The following PTPRT variants were observed in gnomAD, a reference collection of about 807,000 sequenced individuals.
PTPRT encodes the protein protein tyrosine phosphatase receptor type T, also known as receptor-type tyrosine-protein phosphatase T.
A neutral mutation model predicts 176.8 loss-of-function variants in PTPRT; 56 were observed. The observed-to-expected ratio is 0.32, with a 90% CI of 0.26 to 0.40. The LOEUF (loss-of-function observed/expected upper bound fraction) is 0.40, where lower values mean the gene tolerates loss of function less well. PTPRT is among the 10% of genes least tolerant of loss of function. PTPRT has a pLI of 1.00. For missense variants in PTPRT, 1,540 were observed against 1,908.2 expected, an observed-to-expected ratio of 0.81 and a Z score of 3.60; for synonymous variants, 783 against 739.0, an observed-to-expected ratio of 1.06 and a Z score of -0.96.
chr20:42,678,258 A>C (rs1054794064), intron 6 of PTPRT, 99 bp from the exon 7 acceptor site: 6 of 1,190,748 alleles, frequency 5.0e-6, no homozygotes, highest in Non-Finnish European at 6.9e-6. Flanking sequence ...TGATGTAGCC[A>C]CAAAAAAAAT....
intron 1 of PTPRT, among the ~76,000 whole-genome samples, chr20:43,082,545 G>A (rs1285828546): frequency 1.3e-5 from 2 of 152,012 alleles, no homozygotes; most frequent in Non-Finnish European, 2.9e-5. Flanking sequence ...CATTTCTCAT[G>A]TTAGCATTGT....
In PTPRT at chr20:43,146,056, G is replaced by A. The variant is rs533870462; in HGVS notation, c.88+43590C>T. Among the ~76,000 whole-genome samples, 10 of 152,290 alleles carry A rather than the reference G, an allele frequency of 6.6e-5. No homozygotes were observed. In the East Asian group the frequency reaches 1.7e-3, roughly 26 times the overall value. The stretch of plus-strand genomic sequence containing the variant: ...TTGAGAGTTTTTGATGAGAAATGAA[G>A]TCGTGGATGTAACTCTCAGCGAATG... On this transcript the variant is annotated intron_variant, in intron 1 of 30. Transcript: ENST00000373187.
At chr20:42,115,113 A>G in intron 22 of PTPRT, 86 bp downstream of exon 22, 2 of 968,672 alleles carry the variant, frequency 2.1e-6, no homozygotes, top group South Asian at 2.6e-5. Flanking sequence ...GACGTAGAGC[A>G]GACCCTCAGT....
At chr20:42,149,027 A>C (rs1989005903) in intron 17 of PTPRT, among the ~76,000 whole-genome samples, 1 of 152,194 alleles carries the variant, frequency 6.6e-6, no homozygotes, top group South Asian at 2.1e-4. Context: ...TCTTCCTGAA[A>C]TGTCCCACAG....
At chr20:42,184,583 TTCTTCTTCTTCC>T (rs1263725421) in intron 16 of PTPRT, among the ~76,000 whole-genome samples, 3 of 141,626 alleles carry the variant, frequency 2.1e-5, no homozygotes, top group African/African-American at 5.3e-5. Context: ...CTTCTTCTTC[TTCTTCTTCTTCC>T]TCTTCTTCTT....
intron 6 of PTPRT, among the ~76,000 whole-genome samples, chr20:42,737,492 A>C (rs1159465361): frequency 6.6e-6 from 1 of 152,222 alleles, no homozygotes; most frequent in East Asian, 1.9e-4. Context: ...TTAGCCGGGC[A>C]TGGTGGTGGG....
intron 7 of PTPRT, among the ~76,000 whole-genome samples, chr20:42,656,655 G>A (rs1431199217): frequency 6.6e-6 from 1 of 152,130 alleles, no homozygotes; most frequent in African/African-American, 2.4e-5. Flanking sequence ...ACGGTTCCAG[G>A]AATTTATTCC....
chr20:42,355,499 A>T (rs1377899455), intron 9 of PTPRT, among the ~76,000 whole-genome samples: 1 of 152,204 alleles, frequency 6.6e-6, no homozygotes, highest in Non-Finnish European at 1.5e-5. Context: ...TCAGAAGAGG[A>T]AAGAGTATTC....
At chr20:42,456,763 A>C (rs772222643) in intron 8 of PTPRT, among the ~76,000 whole-genome samples, 15 of 152,010 alleles carry the variant, frequency 9.9e-5, no homozygotes, top group Non-Finnish European at 1.6e-4. Flanking sequence ...ATTTGCATAC[A>C]TTTTTTTCTC....
intron 17 of PTPRT, among the ~76,000 whole-genome samples, chr20:42,148,373 C>T (rs984123744): frequency 6.7e-6 from 1 of 149,720 alleles, no homozygotes; most frequent in African/African-American, 2.5e-5. Flanking sequence ...TTGGAAGGAT[C>T]TTTTGAGAAA....
intron 25 of PTPRT, 105 bp downstream of exon 25, chr20:42,104,464 A>G: frequency 7.8e-7 from 1 of 1,285,478 alleles, no homozygotes; most frequent in South Asian, 1.7e-5. Context: ...GCCTCCAGAA[A>G]TGTAATGAAT....
intron 1 of PTPRT, among the ~76,000 whole-genome samples, chr20:42,960,621 C>A (rs1981932132): frequency 6.6e-6 from 1 of 152,132 alleles, no homozygotes; most frequent in South Asian, 2.1e-4. Flanking sequence ...CGCCAGCCTG[C>A]ATCTGTCACT....
chr20:42,135,858 T>TACAACTCTATAAAGTACAACTC (rs1988348322), intron 18 of PTPRT, among the ~76,000 whole-genome samples: 1 of 152,032 alleles, frequency 6.6e-6, no homozygotes, highest in Non-Finnish European at 1.5e-5. Flanking sequence ...CTTTATAGAG[T>TACAACTCTATAAAGTACAACTC]TGTAGGGTCC....
At chr20:42,326,668 C>A (rs2057887031) in intron 11 of PTPRT, among the ~76,000 whole-genome samples, 1 of 152,148 alleles carries the variant, frequency 6.6e-6, no homozygotes, top group East Asian at 1.9e-4. Context: ...AAAAGACTAT[C>A]TCCAGCCCCT....
intron 6 of PTPRT, among the ~76,000 whole-genome samples, chr20:42,714,631 G>C (rs2076196035): frequency 6.6e-6 from 1 of 152,202 alleles, no homozygotes; most frequent in Non-Finnish European, 1.5e-5. Context: ...ATATATGAGT[G>C]ATTTTTTCCA....
chr20:42,943,323 G>T lies in PTPRT; in HGVS notation c.89-57391C>A, dbSNP rs374768669. The stretch of plus-strand genomic sequence containing the variant: ...ATCAGCTCCTGGAAGTGACCCATCC[G>T]CTCTAAAGCCAACCATTTTTGGGGA... On this transcript the variant is annotated intron_variant, in intron 1 of 30. Transcript: ENST00000373187. Among the ~76,000 whole-genome samples the T allele has an allele frequency of 2.6e-5, 4 of 152,320 alleles. No homozygotes were observed. In the East Asian group the frequency reaches 5.8e-4, roughly 22 times the overall value.
intron 19 of PTPRT, among the ~76,000 whole-genome samples, chr20:42,123,610 T>C (rs1356263080): frequency 6.6e-6 from 1 of 152,218 alleles, no homozygotes; most frequent in Non-Finnish European, 1.5e-5. Context: ...CTTTCAGTGA[T>C]GTTCCCAGTT....
At chr20:42,955,855 AGGAGGGAGGGAG>A (rs970250649) in intron 1 of PTPRT, among the ~76,000 whole-genome samples, 1 of 51,204 alleles carries the variant, frequency 2.0e-5, no homozygotes, top group Admixed American at 2.8e-4. Context: ...GGGAGGGAGA[AGGAGGGAGGGAG>A]GGAGGGAGGG....
Position 43,054,564 on chromosome 20 carries a change from A to AG in PTPRT, c.88+135081dup, listed in dbSNP as rs139112407. ...GTGAAACCCTGTCTCCAAAAAAAGAAGGGGAAAAAAAAAAAAAAAAACAAC... is the reference window on the plus strand; with the variant it reads ...GTGAAACCCTGTCTCCAAAAAAAGAAGGGGGAAAAAAAAAAAAAAAAACAAC... On this transcript the variant is annotated intron_variant, in intron 1 of 30. Coordinates refer to ENST00000373187, the MANE Select transcript of PTPRT (RefSeq NM_007050.6). Among the ~76,000 whole-genome samples, 746 of 143,598 alleles carry AG rather than the reference A, an allele frequency of 5.2e-3. 18 individuals are homozygous for AG. In the East Asian group the frequency reaches 0.079, roughly 15 times the overall value. The allele number at this position is 143,598 out of a possible 152,430, so 94.2% of individuals were successfully genotyped here.
Sources: gnomAD v4.1 joint callset for allele counts (sites outside exome capture counted in the v4.1 genomes callset) on GRCh38, gnomAD v4.1.1 for gene constraint, MANE v1.5 for transcripts, NCBI Gene and HGNC (gene_info 2026-07-23, HGNC 2026-07-21) for gene names.